The following FGF10 variants were observed in gnomAD, a reference collection of about 807,000 sequenced individuals.
FGF10 encodes the protein fibroblast growth factor 10.
Under a neutral mutation model 19.8 loss-of-function variants are expected in FGF10, and 2 were observed. The ratio of observed to expected loss-of-function variants is 0.10; its 90% confidence interval spans 0.04 to 0.32. The LOEUF (loss-of-function observed/expected upper bound fraction) is 0.32. FGF10 is among the 10% of genes least tolerant of loss of function. The pLI is 1.00. For missense variants in FGF10, 191 were observed against 246.3 expected (o/e 0.78, Z 1.50); for synonymous variants, 112 against 94.0 (o/e 1.19, Z -1.10).
In FGF10 at chr5:44,301,390, G is replaced by A. The variant is rs1342729534; in HGVS notation, c.*3605C>T. ...GCATCCAAATTATTAGAACTGTGCAGCATTAATGCTGATCTATGTAAATTG... is the reference window on the plus strand; with the variant it reads ...GCATCCAAATTATTAGAACTGTGCAACATTAATGCTGATCTATGTAAATTG... On this transcript the variant is annotated 3_prime_UTR_variant, in exon 3 of 3. Transcript: ENST00000264664. Among the ~76,000 whole-genome samples, 2 of 152,168 alleles carry A rather than the reference G, an allele frequency of 1.3e-5. No individual in the cohort carries two copies. The highest frequency in any genetic ancestry group is 2.9e-5 in the Non-Finnish European group (2 of 68,014).
chr5:44,383,876 G>T (rs959531523), intron 1 of FGF10, among the ~76,000 whole-genome samples: 1 of 151,940 alleles, frequency 6.6e-6, no homozygotes, highest in African/African-American at 2.4e-5. Context: ...CTCTTGTGTC[G>T]TTATTAGAAG....
At chr5:44,333,406 C>T (rs958506965) in intron 1 of FGF10, among the ~76,000 whole-genome samples, 1 of 152,138 alleles carries the variant, frequency 6.6e-6, no homozygotes, top group African/African-American at 2.4e-5. Context: ...GCCAACCCAG[C>T]AGTGGCATTT....
intron 2 of FGF10, among the ~76,000 whole-genome samples, chr5:44,309,257 G>A (rs1250893047): frequency 6.6e-6 from 1 of 152,018 alleles, no homozygotes; most frequent in African/African-American, 2.4e-5. Flanking sequence ...CTCCCCTTCA[G>A]TAGAATCCAG....
chr5:44,327,286 G>A (rs1740636943), intron 1 of FGF10, among the ~76,000 whole-genome samples: 1 of 152,174 alleles, frequency 6.6e-6, no homozygotes, highest in Non-Finnish European at 1.5e-5. Flanking sequence ...GATTTCTTGT[G>A]ACTTGTATGC....
At chr5:44,370,123 A>G (rs537163649) in intron 1 of FGF10, among the ~76,000 whole-genome samples, 124 of 152,150 alleles carry the variant, frequency 8.1e-4, no homozygotes, top group African/African-American at 3.0e-3. Flanking sequence ...TGGTCCATAG[A>G]CCCAAGTTTG....
intron 1 of FGF10, among the ~76,000 whole-genome samples, chr5:44,320,241 C>G (rs1048464583): frequency 1.3e-5 from 2 of 152,100 alleles, no homozygotes; most frequent in East Asian, 3.9e-4. Flanking sequence ...ATATCAAAAC[C>G]CTATCTGTGC....
intron 1 of FGF10, among the ~76,000 whole-genome samples, chr5:44,311,666 C>T (rs1448035): frequency 0.32 from 48,626 of 151,900 alleles, 7,901 homozygotes; most frequent in Admixed American, 0.41. Context: ...TAATTATCAT[C>T]AGAGGGTAGT....
At position 44,357,807 on chromosome 5, in the gene FGF10, A is replaced by G. The variant is rs565034260; in HGVS notation, c.325+30551T>C. Among the ~76,000 whole-genome samples the G allele has an allele frequency of 1.1e-3, 173 of 151,592 alleles. 1 individual carries two copies. The highest frequency in any genetic ancestry group is 4.1e-3 in the African/African-American group (170 of 41,468). On this transcript the variant is annotated intron_variant, in intron 1 of 2. Coordinates refer to ENST00000264664, the MANE Select transcript of FGF10 (RefSeq NM_004465.2). The stretch of plus-strand genomic sequence containing the variant: ...TTCTCCTTATAGCTAAGTATAGCCA[A>G]ATAAGTGCTTTTTCACTTAAAAGGC...
intron 1 of FGF10, among the ~76,000 whole-genome samples, chr5:44,352,706 C>T (rs1039628791): frequency 3.3e-5 from 5 of 151,552 alleles, no homozygotes; most frequent in African/African-American, 1.2e-4. Flanking sequence ...CCAAGAGAAC[C>T]TTTCAATTTA....
At chr5:44,377,971 G>A (rs567725666) in intron 1 of FGF10, among the ~76,000 whole-genome samples, 1 of 152,166 alleles carries the variant, frequency 6.6e-6, no homozygotes, top group Non-Finnish European at 1.5e-5. Flanking sequence ...CATCATTCCT[G>A]ACTCTGAATT....
chr5:44,361,140 C>G (rs113220809), intron 1 of FGF10, among the ~76,000 whole-genome samples: 1 of 151,632 alleles, frequency 6.6e-6, no homozygotes, highest in East Asian at 1.9e-4. Context: ...CAGCAACTCT[C>G]AAGGTTATTC....
chr5:44,312,420 TCC>T (rs1326911464), intron 1 of FGF10, among the ~76,000 whole-genome samples: 4 of 152,038 alleles, frequency 2.6e-5, no homozygotes, highest in Non-Finnish European at 5.9e-5. Context: ...ACTCTATTGC[TCC>T]CCATCTCTGA....
intron 1 of FGF10, among the ~76,000 whole-genome samples, chr5:44,352,605 A>G (rs552062116): frequency 6.6e-6 from 1 of 151,696 alleles, no homozygotes; most frequent in African/African-American, 2.4e-5. Context: ...CATGATTTGG[A>G]CATTCTCCTG....
At chr5:44,358,057 T>G (rs1741389248) in intron 1 of FGF10, among the ~76,000 whole-genome samples, 1 of 151,400 alleles carries the variant, frequency 6.6e-6, no homozygotes, top group African/African-American at 2.4e-5. Flanking sequence ...TGGATTAGCT[T>G]AGACTAATGT....
chr5:44,332,968 G>T (rs1484536127), intron 1 of FGF10, among the ~76,000 whole-genome samples: 1 of 152,048 alleles, frequency 6.6e-6, no homozygotes, highest in Admixed American at 6.6e-5. Flanking sequence ...AAACTACATA[G>T]TTCTTGATCA....
chr5:44,332,360 T>C (rs1210201883), intron 1 of FGF10, among the ~76,000 whole-genome samples: 1 of 152,192 alleles, frequency 6.6e-6, no homozygotes, highest in East Asian at 1.9e-4. Context: ...ATTTGGCACC[T>C]GATTTTATAC....
chr5:44,351,575 C>G lies in FGF10; in HGVS notation c.325+36783G>C, dbSNP rs1275049915. 2.6e-5 allele frequency among the ~76,000 whole-genome samples: 4 copies of G among 151,666 alleles called. No homozygotes were observed. In the South Asian group the frequency reaches 6.2e-4, roughly 24 times the overall value. Reference sequence around the variant, plus strand: ...TTTAATTAAACAAAGAAACATGCTACTCTGTAAACTTTTCCTCTGAAAACC... The same window carrying G: ...TTTAATTAAACAAAGAAACATGCTAGTCTGTAAACTTTTCCTCTGAAAACC... On this transcript the variant is annotated intron_variant, in intron 1 of 2. Coordinates refer to ENST00000264664, the MANE Select transcript of FGF10 (RefSeq NM_004465.2).
chr5:44,350,111 T>C (rs1219986693), intron 1 of FGF10, among the ~76,000 whole-genome samples: 1 of 150,892 alleles, frequency 6.6e-6, no homozygotes, highest in Non-Finnish European at 1.5e-5. Flanking sequence ...ACTGAGATAA[T>C]AAGAATATCA....
At chr5:44,345,939 T>G (rs1741080767) in intron 1 of FGF10, among the ~76,000 whole-genome samples, 1 of 151,858 alleles carries the variant, frequency 6.6e-6, no homozygotes, top group Non-Finnish European at 1.5e-5. Flanking sequence ...GGCACTTCTG[T>G]TTCATGACTT....
Sources: allele counts gnomAD v4.1 joint callset (sites outside exome capture counted in the v4.1 genomes callset), GRCh38; gene constraint gnomAD v4.1.1; transcripts MANE v1.5; gene names NCBI Gene and HGNC (gene_info 2026-07-23, HGNC 2026-07-21).